The following UTS2B variants were observed in gnomAD, a reference collection of about 807,000 sequenced individuals.
The protein encoded by UTS2B is urotensin-2B.
A neutral mutation model predicts 19.2 loss-of-function variants in UTS2B; 21 were observed. The ratio of observed to expected loss-of-function variants is 1.09; its 90% confidence interval spans 0.78 to 1.58. UTS2B has a LOEUF of 1.58. Ranked by LOEUF, UTS2B falls within the 40% of genes most tolerant of loss-of-function variation. UTS2B has a pLI of 0.00. For missense variants in UTS2B, 138 were observed against 130.3 expected (o/e 1.06, Z -0.29); for synonymous variants, 57 against 50.2 (o/e 1.14, Z -0.58).
chr3:191,329,758 C>T, intron 1 of UTS2B: 2 of 1,597,034 alleles, frequency 1.3e-6, no homozygotes, highest in Non-Finnish European at 8.5e-7. Flanking sequence ...GCGGGACCCT[C>T]CCCTCTCCCA....
At chr3:191,320,777 G>A (rs960042904) in intron 2 of UTS2B, among the ~76,000 whole-genome samples, 1 of 152,208 alleles carries the variant, frequency 6.6e-6, no homozygotes, top group African/African-American at 2.4e-5. Flanking sequence ...TTTTTGATGT[G>A]ACAACTGTGT....
chr3:191,308,607 C>A (rs561760209), intron 3 of UTS2B, among the ~76,000 whole-genome samples: 138 of 152,208 alleles, frequency 9.1e-4, no homozygotes, highest in African/African-American at 3.1e-3. Context: ...TTGTTGTTCC[C>A]CTGGCCTCTA....
chr3:191,328,512 T>C (rs1186135079), intron 2 of UTS2B, 119 bp downstream of exon 2: 1 of 152,230 alleles, frequency 6.6e-6, no homozygotes, highest in Non-Finnish European at 1.5e-5. Flanking sequence ...AGTATTCTGT[T>C]TGACCTGTCT....
intron 3 of UTS2B, among the ~76,000 whole-genome samples, chr3:191,306,126 CT>C (rs1187775003): frequency 1.3e-5 from 2 of 152,100 alleles, no homozygotes; most frequent in Non-Finnish European, 2.9e-5. Context: ...GTTCTTTTTG[CT>C]TAGGATTGCT....
At chr3:191,324,256 C>T (rs1717685291) in intron 2 of UTS2B, among the ~76,000 whole-genome samples, 1 of 152,228 alleles carries the variant, frequency 6.6e-6, no homozygotes, top group African/African-American at 2.4e-5. Flanking sequence ...CCAGATGGGA[C>T]TCCTTCAATT....
chr3:191,341,799 T>A, the UTS2B span, among the ~76,000 whole-genome samples: 3 of 152,264 alleles, frequency 2.0e-5, no homozygotes, highest in African/African-American at 7.2e-5. Flanking sequence ...AAAATCTATG[T>A]GTAACTCCCT....
chr3:191,323,284 C>A (rs1324836905), intron 2 of UTS2B, among the ~76,000 whole-genome samples: 2 of 152,090 alleles, frequency 1.3e-5, no homozygotes, highest in Non-Finnish European at 2.9e-5. Context: ...TCAAACAATT[C>A]TCAGCCTCCT....
chr3:191,311,356 G>C (rs1358998813), intron 3 of UTS2B, among the ~76,000 whole-genome samples: 2 of 152,230 alleles, frequency 1.3e-5, no homozygotes, highest in African/African-American at 4.8e-5. Context: ...CTAGGGCTGT[G>C]AACAGACTTA....
chr3:191,327,076 TCTTA>T (rs1240375816), intron 2 of UTS2B, among the ~76,000 whole-genome samples: 1 of 152,238 alleles, frequency 6.6e-6, no homozygotes, highest in Non-Finnish European at 1.5e-5. Context: ...TTTAAGCATA[TCTTA>T]CTTTTGGCAT....
intron 5 of UTS2B, among the ~76,000 whole-genome samples, chr3:191,279,711 T>C (rs539394666): frequency 5.9e-5 from 9 of 152,064 alleles, no homozygotes; most frequent in Non-Finnish European, 1.2e-4. Flanking sequence ...TATACCTCCA[T>C]AACTCTTTGT....
chr3:191,287,380 C>T (rs764638876), intron 4 of UTS2B, among the ~76,000 whole-genome samples: 2 of 152,050 alleles, frequency 1.3e-5, no homozygotes, highest in African/African-American at 2.4e-5. Flanking sequence ...CCAAGATCAA[C>T]AACACGTTAA....
At chr3:191,321,366 A>G (rs1717606519) in intron 2 of UTS2B, among the ~76,000 whole-genome samples, 1 of 152,260 alleles carries the variant, frequency 6.6e-6, no homozygotes. Flanking sequence ...TAGATTAATA[A>G]TAGGAACTCT....
At chr3:191,338,606 A>C in the UTS2B span, among the ~76,000 whole-genome samples, 1 of 152,228 alleles carries the variant, frequency 6.6e-6, no homozygotes, top group African/African-American at 2.4e-5. Context: ...TTTTCCCAGC[A>C]TTCTCTGGTC....
intron 4 of UTS2B, among the ~76,000 whole-genome samples, chr3:191,300,213 C>A (rs1716959275): frequency 6.6e-6 from 1 of 152,038 alleles, no homozygotes; most frequent in Non-Finnish European, 1.5e-5. Flanking sequence ...CCATGCCTGG[C>A]TAATTTTTGT....
At chr3:191,291,010 G>A (rs911735227) in intron 4 of UTS2B, among the ~76,000 whole-genome samples, 6 of 152,108 alleles carry the variant, frequency 3.9e-5, no homozygotes, top group Admixed American at 6.5e-5. Flanking sequence ...AAAAAATAGC[G>A]GAAGGAAGGA....
chr3:191,279,514 G>C (rs907006078), intron 5 of UTS2B, among the ~76,000 whole-genome samples: 2 of 151,948 alleles, frequency 1.3e-5, no homozygotes, highest in African/African-American at 4.8e-5. Flanking sequence ...TATGGTAAGA[G>C]AAACAGATCC....
At chr3:191,283,531 C>T (rs1475961360) in intron 4 of UTS2B, among the ~76,000 whole-genome samples, 6 of 152,088 alleles carry the variant, frequency 3.9e-5, no homozygotes, top group Non-Finnish European at 8.8e-5. Flanking sequence ...TATGTATTTG[C>T]GAGTCTGCCT....
rs540193276 is a variant in UTS2B, at chr3:191,281,420, T to C, written c.103+667A>G. On this transcript the variant is annotated intron_variant, in intron 5 of 8. Coordinates refer to ENST00000340524, the MANE Select transcript of UTS2B (RefSeq NM_198152.5). ...CTCAGTTTAAGAGCTACTTTTTCTA[T>C]AGAAGCACCACAAATTTTAAATAAA... Among the ~76,000 whole-genome samples the C allele has an allele frequency of 2.7e-4, 41 of 152,170 alleles. No homozygotes were observed. The South Asian group carries it at 5.8e-3, about 22-fold the overall frequency.
At position 191,282,104 on chromosome 3, in the gene UTS2B, C is replaced by G. The variant is rs750125875; in HGVS notation, c.86G>C (p.Arg29Pro). Residue 29 changes from arginine (R) to proline (P), a missense_variant, in exon 5 of 9, where the codon CGA becomes CCA. By Grantham distance (103) the Arg-to-Pro change is moderately radical. Coordinates refer to ENST00000340524, the MANE Select transcript of UTS2B (RefSeq NM_198152.5). ...GCACGTACCTTGGGTAAGATATGGT[C>G]GTCCATGCACAGATTGTAAAAAACT... ...VLSFLQSVHG[R>P]PYLTQGNEIF... 5 of 1,611,874 alleles carry G rather than the reference C, an allele frequency of 3.1e-6. No individual in the cohort carries two copies. Among genetic ancestry groups the G allele is most frequent in the Non-Finnish European group, 3.4e-6 (4 of 1,178,626 alleles).
Sources: allele counts gnomAD v4.1 joint callset (sites outside exome capture counted in the v4.1 genomes callset), GRCh38; gene constraint gnomAD v4.1.1; transcripts MANE v1.5; gene names NCBI Gene and HGNC (gene_info 2026-07-23, HGNC 2026-07-21).